Variants in ELMO1 observed in about 807,000 individuals in gnomAD.
ELMO1 encodes engulfment and cell motility protein 1.
Under a neutral mutation model 98.9 loss-of-function variants are expected in ELMO1, and 26 were observed. The ratio of observed to expected loss-of-function variants is 0.26; its 90% CI spans 0.19 to 0.36. The LOEUF is 0.36. ELMO1 is among the 10% of genes least tolerant of loss of function. The pLI, the probability that ELMO1 is intolerant of heterozygous loss-of-function variation, is 1.00. For missense variants in ELMO1, 627 were observed against 935.2 expected (o/e 0.67, Z 4.30); for synonymous variants, 346 against 346.0 (o/e 1.00, Z 0.00).
At position 36,882,357 on chromosome 7, in the gene ELMO1, C is replaced by G. The variant is rs145371911; in HGVS notation, c.1715-4240G>C. 5.1e-3 allele frequency among the ~76,000 whole-genome samples: 769 copies of G among 152,202 alleles called. 3 individuals carry two copies. The highest frequency in any genetic ancestry group is 0.01 in the Admixed American group (153 of 15,284). The stretch of plus-strand genomic sequence containing the variant: ...TTCCAAGTCACAAAACAAGAGGGAC[C>G]CAGCAATGTGTTTAAAGGGAAATGT... On this transcript the variant is annotated intron_variant, in intron 18 of 21. Coordinates refer to ENST00000310758, the MANE Select transcript of ELMO1 (RefSeq NM_014800.11).
chr7:37,092,137 T>C (rs1192421090), intron 15 of ELMO1, among the ~76,000 whole-genome samples: 1 of 152,100 alleles, frequency 6.6e-6, no homozygotes, highest in Non-Finnish European at 1.5e-5. Flanking sequence ...CTTTGTAATT[T>C]TTGAAACTGA....
chr7:37,005,553 C>A (rs1357200329), intron 16 of ELMO1, among the ~76,000 whole-genome samples: 1 of 151,782 alleles, frequency 6.6e-6, no homozygotes, highest in Non-Finnish European at 1.5e-5. Flanking sequence ...TTAACCAGGC[C>A]TCGTGGCGGG....
chr7:37,426,643 AC>A (rs1318385720), intron 1 of ELMO1, among the ~76,000 whole-genome samples: 1 of 152,194 alleles, frequency 6.6e-6, no homozygotes, highest in Non-Finnish European at 1.5e-5. Context: ...AAGGTCACCA[AC>A]AGGTAAACTC....
At chr7:37,041,759 C>T (rs1795521447) in intron 15 of ELMO1, among the ~76,000 whole-genome samples, 1 of 152,022 alleles carries the variant, frequency 6.6e-6, no homozygotes, top group African/African-American at 2.4e-5. Context: ...CATGAGTTAA[C>T]GTGGCAGAAA....
intron 15 of ELMO1, among the ~76,000 whole-genome samples, chr7:37,056,343 G>A (rs1796391135): frequency 6.6e-6 from 1 of 152,226 alleles, no homozygotes. Context: ...TTCACAACGA[G>A]ATAAATAATT....
intron 16 of ELMO1, among the ~76,000 whole-genome samples, chr7:36,917,600 C>T (rs1006383728): frequency 1.2e-4 from 19 of 152,164 alleles, no homozygotes; most frequent in Non-Finnish European, 2.8e-4. Context: ...TCTCAGACAT[C>T]AGAATGATGA....
chr7:37,302,804 A>G (rs1035805715), intron 4 of ELMO1, among the ~76,000 whole-genome samples: 2 of 152,184 alleles, frequency 1.3e-5, no homozygotes, highest in African/African-American at 2.4e-5. Flanking sequence ...TAATGCCCCA[A>G]TAGATAACCA....
intron 16 of ELMO1, among the ~76,000 whole-genome samples, chr7:36,908,939 T>C (rs1784154200): frequency 6.6e-6 from 1 of 152,172 alleles, no homozygotes; most frequent in South Asian, 2.1e-4. Flanking sequence ...ACTCATTACA[T>C]TGTCACAAGA....
chr7:36,860,339 C>G (rs1802527780), intron 21 of ELMO1, among the ~76,000 whole-genome samples: 1 of 152,104 alleles, frequency 6.6e-6, no homozygotes, highest in South Asian at 2.1e-4. Context: ...GGAGGTCTCT[C>G]CGTGCTCATT....
At chr7:37,364,485 A>G (rs997378559) in intron 1 of ELMO1, among the ~76,000 whole-genome samples, 1 of 152,228 alleles carries the variant, frequency 6.6e-6, no homozygotes, top group Non-Finnish European at 1.5e-5. Flanking sequence ...ATCCAATGGG[A>G]GAAAGAGACT....
At chr7:37,019,802 C>T (rs921919893) in intron 15 of ELMO1, among the ~76,000 whole-genome samples, 1 of 152,032 alleles carries the variant, frequency 6.6e-6, no homozygotes, top group African/African-American at 2.4e-5. Flanking sequence ...TTTTAAAAAC[C>T]CAACACAATG....
chr7:37,125,370 T>G (rs1459949943), intron 14 of ELMO1, among the ~76,000 whole-genome samples: 1 of 151,648 alleles, frequency 6.6e-6, no homozygotes, highest in Admixed American at 6.6e-5. Flanking sequence ...TGGGAGAAAA[T>G]TTTTGCAATC....
chr7:37,320,064 G>A (rs924779231), intron 2 of ELMO1, among the ~76,000 whole-genome samples: 20 of 152,006 alleles, frequency 1.3e-4, no homozygotes, highest in Non-Finnish European at 2.4e-4. Flanking sequence ...GACCATTCTG[G>A]CCAGAAATGG....
chr7:37,145,600 T>C (rs1787930053), intron 13 of ELMO1, among the ~76,000 whole-genome samples: 1 of 152,258 alleles, frequency 6.6e-6, no homozygotes, highest in Admixed American at 6.5e-5. Context: ...CTAGCCTGAA[T>C]GATTTTTAAA....
chr7:37,360,770 C>G (rs1422666905), intron 1 of ELMO1, among the ~76,000 whole-genome samples: 2 of 152,182 alleles, frequency 1.3e-5, no homozygotes, highest in African/African-American at 2.4e-5. Context: ...AAGTCTAACA[C>G]TGAATTAACT....
chr7:36,993,876 A>G (rs1461711915), intron 16 of ELMO1, among the ~76,000 whole-genome samples: 1 of 152,248 alleles, frequency 6.6e-6, no homozygotes, highest in Non-Finnish European at 1.5e-5. Context: ...AATGAAAAGC[A>G]TGAGAACGAC....
intron 5 of ELMO1, among the ~76,000 whole-genome samples, chr7:37,262,607 C>A (rs1796030998): frequency 6.6e-6 from 1 of 152,196 alleles, no homozygotes; most frequent in Admixed American, 6.5e-5. Context: ...GACAACTTTT[C>A]TTTAAAAAGT....
chr7:37,281,995 TTG>T (rs1562579627), intron 4 of ELMO1, among the ~76,000 whole-genome samples: 1 of 150,880 alleles, frequency 6.6e-6, no homozygotes, highest in African/African-American at 2.4e-5. Flanking sequence ...TAGGATGTCT[TTG>T]TGTCTTTACT....
intron 13 of ELMO1, among the ~76,000 whole-genome samples, chr7:37,167,007 T>C (rs1426905109): frequency 6.6e-6 from 1 of 152,128 alleles, no homozygotes; most frequent in Non-Finnish European, 1.5e-5. Flanking sequence ...AGTTGCTTTA[T>C]GAATCTGGGT....
Sources: allele counts gnomAD v4.1 joint callset (sites outside exome capture counted in the v4.1 genomes callset), GRCh38; gene constraint gnomAD v4.1.1; transcripts MANE v1.5; gene names NCBI Gene and HGNC (gene_info 2026-07-23, HGNC 2026-07-21).